The following NR2F1-AS1 variants were observed in gnomAD, a reference collection of about 807,000 sequenced individuals.
The protein encoded by NR2F1-AS1 is NR2F1 antisense RNA 1.
intron 4 of NR2F1-AS1, among the ~76,000 whole-genome samples, chr5:93,503,578 A>G (rs1280805621): frequency 1.3e-5 from 2 of 152,216 alleles, no homozygotes; most frequent in African/African-American, 4.8e-5. Flanking sequence ...AAGAGAGGTC[A>G]CTGTGCCTAA....
chr5:93,484,551 C>A (rs1297111537), intron 4 of NR2F1-AS1, among the ~76,000 whole-genome samples: 2 of 151,992 alleles, frequency 1.3e-5, no homozygotes, highest in Admixed American at 6.6e-5. Flanking sequence ...AACTAACGAG[C>A]AAAATAACCA....
rs148984054 is a variant in NR2F1-AS1, at chr5:93,457,638, G to A, written n.639-62096C>T. 5.3e-4 allele frequency among the ~76,000 whole-genome samples: 80 copies of A among 151,844 alleles called. 1 individual carries two copies. The highest frequency in any genetic ancestry group is 1.8e-3 in the African/African-American group (75 of 41,402). ...TCATCATGGCTTGTCCTCGATGGTC[G>A]CTGTCTCTTTGGAGCTGCTAGGTAC... On this transcript the variant is annotated intron_variant and non_coding_transcript_variant, in intron 4 of 5. Transcript: ENST00000660523.
chr5:93,577,549 AGTTT>A (rs1752924041), intron 1 of NR2F1-AS1, among the ~76,000 whole-genome samples: 2 of 152,150 alleles, frequency 1.3e-5, no homozygotes, highest in South Asian at 4.1e-4. Context: ...GCTGGGGTTT[AGTTT>A]GTTTGTTTTG....
At chr5:93,577,709 A>G (rs1480949086) in intron 1 of NR2F1-AS1, among the ~76,000 whole-genome samples, 2 of 152,194 alleles carry the variant, frequency 1.3e-5, no homozygotes, top group Admixed American at 1.3e-4. Flanking sequence ...AGGGGAGACT[A>G]ATTGATTCAG....
chr5:93,580,278 G>C (rs1203123420), intron 1 of NR2F1-AS1, among the ~76,000 whole-genome samples: 1 of 152,234 alleles, frequency 6.6e-6, no homozygotes, highest in Non-Finnish European at 1.5e-5. Flanking sequence ...TCGCCTTAGC[G>C]CTACGGCGAG....
intron 2 of NR2F1-AS1, among the ~76,000 whole-genome samples, chr5:93,559,181 G>T (rs528717876): frequency 6.6e-6 from 1 of 152,320 alleles, no homozygotes; most frequent in African/African-American, 2.4e-5. Context: ...AGATCTTCTG[G>T]ATAACTTGCT....
intron 4 of NR2F1-AS1, among the ~76,000 whole-genome samples, chr5:93,482,807 TCC>T (rs1360940188): frequency 6.6e-6 from 1 of 152,124 alleles, no homozygotes. Context: ...TAGGCTCTTT[TCC>T]CCTCACAGTG....
intron 4 of NR2F1-AS1, among the ~76,000 whole-genome samples, chr5:93,479,056 G>C (rs1193327746): frequency 6.6e-6 from 1 of 152,178 alleles, no homozygotes; most frequent in East Asian, 1.9e-4. Flanking sequence ...GCAGTGTCTA[G>C]AGGAGTGCTT....
intron 4 of NR2F1-AS1, among the ~76,000 whole-genome samples, chr5:93,537,054 A>G (rs1561488712): frequency 6.6e-6 from 1 of 152,180 alleles, no homozygotes; most frequent in East Asian, 1.9e-4. Context: ...TGGAACTGTA[A>G]GTCCAATAAA....
chr5:93,502,092 CTG>C (rs1176576382), intron 4 of NR2F1-AS1, among the ~76,000 whole-genome samples: 1 of 152,148 alleles, frequency 6.6e-6, no homozygotes, highest in Non-Finnish European at 1.5e-5. Context: ...AGTATGTAAA[CTG>C]TTTTTTTAGA....
chr5:93,440,201 C>G (rs1246823497), intron 4 of NR2F1-AS1, among the ~76,000 whole-genome samples: 4 of 150,992 alleles, frequency 2.6e-5, no homozygotes, highest in Admixed American at 2.6e-4. Context: ...CTGTCTCTCT[C>G]TCTCTCTCTC....
At chr5:93,463,271 G>T in intron 4 of NR2F1-AS1, among the ~76,000 whole-genome samples, 1 of 152,236 alleles carries the variant, frequency 6.6e-6, no homozygotes, top group East Asian at 1.9e-4. Flanking sequence ...GAGGGTGAAA[G>T]CCCTGAGCCT....
At chr5:93,458,707 C>T (rs745616363) in intron 4 of NR2F1-AS1, among the ~76,000 whole-genome samples, 22 of 151,918 alleles carry the variant, frequency 1.4e-4, no homozygotes, top group Non-Finnish European at 2.4e-4. Context: ...TTCAAAAAAC[C>T]GTTAAGAAAA....
intron 4 of NR2F1-AS1, among the ~76,000 whole-genome samples, chr5:93,485,151 C>T (rs1750688292): frequency 6.6e-6 from 1 of 152,170 alleles, no homozygotes; most frequent in South Asian, 2.1e-4. Context: ...CCCAAATCAA[C>T]AGAATATACA....
intron 1 of NR2F1-AS1, among the ~76,000 whole-genome samples, chr5:93,573,961 T>A (rs1041928414): frequency 6.6e-6 from 1 of 152,240 alleles, no homozygotes; most frequent in African/African-American, 2.4e-5. Context: ...ATGATAGTTT[T>A]GTGAGCAATA....
intron 4 of NR2F1-AS1, among the ~76,000 whole-genome samples, chr5:93,537,448 T>C (rs557560939): frequency 3.9e-5 from 6 of 152,130 alleles, no homozygotes; most frequent in South Asian, 2.1e-4. Context: ...CCAGAATATA[T>C]AAGGAACTTA....
At chr5:93,480,574 G>A (rs956874000) in intron 4 of NR2F1-AS1, among the ~76,000 whole-genome samples, 1 of 152,084 alleles carries the variant, frequency 6.6e-6, no homozygotes, top group Non-Finnish European at 1.5e-5. Flanking sequence ...TCACTGATAA[G>A]GTAACTACAT....
intron 1 of NR2F1-AS1, among the ~76,000 whole-genome samples, chr5:93,565,749 T>G (rs1308526792): frequency 6.6e-6 from 1 of 151,878 alleles, no homozygotes; most frequent in Non-Finnish European, 1.5e-5. Context: ...TTGTGTATGG[T>G]TTCAAATATT....
chr5:93,447,658 G>T (rs1053419778), intron 4 of NR2F1-AS1, among the ~76,000 whole-genome samples: 3 of 152,182 alleles, frequency 2.0e-5, no homozygotes, highest in Admixed American at 6.5e-5. Context: ...GATTCCTCAA[G>T]GATCTACAAC....
Sources: allele counts gnomAD v4.1 joint callset (sites outside exome capture counted in the v4.1 genomes callset), GRCh38; gene constraint gnomAD v4.1.1; transcripts MANE v1.5; gene names NCBI Gene and HGNC (gene_info 2026-07-23, HGNC 2026-07-21).